The following APBA2 variants were observed in gnomAD, a reference collection of about 807,000 sequenced individuals.
APBA2 encodes amyloid-beta A4 precursor protein-binding family A member 2.
Under a neutral mutation model 75.0 loss-of-function variants are expected in APBA2, and 30 were observed. That is an observed-to-expected ratio of 0.40 (90% CI 0.30 to 0.54). The LOEUF (loss-of-function observed/expected upper bound fraction) is 0.54, where lower values mean the gene tolerates loss of function less well. Ranked by LOEUF, APBA2 falls within the 20% of genes least tolerant of loss-of-function variation. The probability of loss-of-function intolerance (pLI) is 0.49; values close to 1 mark genes in which losing one functional copy is unlikely to be tolerated. For synonymous variants in APBA2, 444 were observed against 409.6 expected (o/e 1.08, Z -1.01); for missense variants, 801 against 1,016.1 (o/e 0.79, Z 2.88).
At chr15:29,017,655 G>A (rs963332565) in intron 3 of APBA2, among the ~76,000 whole-genome samples, 1 of 152,026 alleles carries the variant, frequency 6.6e-6, no homozygotes, top group Non-Finnish European at 1.5e-5. Context: ...ACAGGCATGC[G>A]CCAATGTGCC....
intron 13 of APBA2, among the ~76,000 whole-genome samples, chr15:29,110,110 G>T (rs748277419): frequency 2.0e-5 from 3 of 152,252 alleles, no homozygotes; most frequent in Admixed American, 2.0e-4. Context: ...GCTGCTGTGC[G>T]CACTTTGTGG....
intron 3 of APBA2, among the ~76,000 whole-genome samples, chr15:29,039,336 C>T (rs961962934): frequency 6.6e-6 from 1 of 152,024 alleles, no homozygotes; most frequent in Non-Finnish European, 1.5e-5. Flanking sequence ...GTCAGGCCAG[C>T]CCTTAACAGC....
chr15:28,984,490 C>T (rs958191685), intron 2 of APBA2, among the ~76,000 whole-genome samples: 1 of 152,038 alleles, frequency 6.6e-6, no homozygotes, highest in Non-Finnish European at 1.5e-5. Context: ...GCTTCCAGCC[C>T]CCTGACTCAG....
At chr15:28,945,002 T>C (rs560586812) in intron 2 of APBA2, among the ~76,000 whole-genome samples, 70 of 152,274 alleles carry the variant, frequency 4.6e-4, no homozygotes, top group African/African-American at 1.6e-3. Context: ...GCTTCCTCCT[T>C]CATTTGAACT....
intron 2 of APBA2, among the ~76,000 whole-genome samples, chr15:28,934,141 T>C (rs2152692390): frequency 6.6e-6 from 1 of 152,302 alleles, no homozygotes; most frequent in Middle Eastern, 3.4e-3. Flanking sequence ...CAGCCAGCCC[T>C]CCACAGCCTT....
intron 1 of APBA2, among the ~76,000 whole-genome samples, chr15:28,904,278 C>T (rs945531450): frequency 2.6e-5 from 4 of 152,118 alleles, no homozygotes; most frequent in East Asian, 1.9e-4. Flanking sequence ...TTCTCCTGGA[C>T]GGTATATGAG....
chr15:28,907,705 A>G (rs2033202242), intron 1 of APBA2, among the ~76,000 whole-genome samples: 1 of 150,914 alleles, frequency 6.6e-6, no homozygotes, highest in Admixed American at 6.6e-5. Context: ...CATCATAGAT[A>G]TGACTCCGAA....
intron 1 of APBA2, among the ~76,000 whole-genome samples, chr15:28,896,154 C>T (rs1448687188): frequency 8.6e-5 from 13 of 151,968 alleles, no homozygotes; most frequent in Admixed American, 3.3e-4. Flanking sequence ...CTATTTGATG[C>T]GGGGGTTGGG....
chr15:28,886,752 C>G (rs1176125080), intron 1 of APBA2, among the ~76,000 whole-genome samples: 3 of 152,216 alleles, frequency 2.0e-5, no homozygotes, highest in Non-Finnish European at 2.9e-5. Flanking sequence ...ATCTTCGCCC[C>G]CTTCCCTTTC....
rs998355651 is a variant in APBA2, at chr15:29,027,966, T to C, written c.-40-25879T>C. On this transcript the variant is annotated intron_variant, in intron 3 of 14. Transcript: ENST00000683413. ...ACTTTTATTTCTTAGACTTATTTTA[T>C]ACATTAACACTCTTTTCGTTTTTTT... Among the ~76,000 whole-genome samples, 77 of 151,998 alleles carry C rather than the reference T, an allele frequency of 5.1e-4. 3 individuals carry two copies. Among genetic ancestry groups the C allele is most frequent in the Non-Finnish European group, 2.9e-5 (2 of 68,022 alleles).
At chr15:29,112,608 C>T (rs191178936) in intron 13 of APBA2, among the ~76,000 whole-genome samples, 1 of 152,130 alleles carries the variant, frequency 6.6e-6, no homozygotes, top group Non-Finnish European at 1.5e-5. Context: ...TGGAATCTGC[C>T]TCTCTCCACC....
chr15:28,908,312 CTTG>C (rs2033239953), intron 1 of APBA2, among the ~76,000 whole-genome samples: 1 of 142,526 alleles, frequency 7.0e-6, no homozygotes, highest in African/African-American at 3.0e-5. Flanking sequence ...GTTTTGTTTT[CTTG>C]TTTTTTTTTT....
At chr15:28,916,567 G>T (rs2033700326) in intron 1 of APBA2, among the ~76,000 whole-genome samples, 1 of 152,200 alleles carries the variant, frequency 6.6e-6, no homozygotes, top group African/African-American at 2.4e-5. Context: ...ACAAGCCTTT[G>T]AGGGGTTTCC....
chr15:28,992,323 G>A (rs2038277655), intron 2 of APBA2, among the ~76,000 whole-genome samples: 1 of 152,166 alleles, frequency 6.6e-6, no homozygotes, highest in Non-Finnish European at 1.5e-5. Flanking sequence ...AGGTAATCAG[G>A]AAATGTATGA....
At chr15:29,107,896 C>G (rs1029327102) in intron 12 of APBA2, among the ~76,000 whole-genome samples, 4 of 152,194 alleles carry the variant, frequency 2.6e-5, no homozygotes, top group Non-Finnish European at 4.4e-5. Flanking sequence ...GAAGCTGTCC[C>G]GAATTCGGCA....
At chr15:28,903,490 C>G (rs1334689998) in intron 1 of APBA2, among the ~76,000 whole-genome samples, 1 of 152,176 alleles carries the variant, frequency 6.6e-6, no homozygotes, top group Non-Finnish European at 1.5e-5. Context: ...ACTGAAATGG[C>G]CATTTCAGCT....
chr15:28,920,094 C>A lies in APBA2; in HGVS notation c.-204-1546C>A, dbSNP rs570624378. Among the ~76,000 whole-genome samples, 71 of 152,224 alleles carry A rather than the reference C, an allele frequency of 4.7e-4. 1 individual carries two copies. The highest frequency in any genetic ancestry group is 3.4e-3 in the Middle Eastern group (1 of 294). On this transcript the variant is annotated intron_variant, in intron 1 of 14. Transcript: ENST00000683413. The stretch of plus-strand genomic sequence containing the variant: ...GCAGTCTATAAACTGTGTGCCCTCT[C>A]GGGGCCAGGTAGGAGCCTGAGAGGG...
At chr15:29,099,048 C>T (rs951813479) in intron 9 of APBA2, among the ~76,000 whole-genome samples, 1 of 152,166 alleles carries the variant, frequency 6.6e-6, no homozygotes, top group Non-Finnish European at 1.5e-5. Context: ...TTGTGTCCTG[C>T]ACCCCCCTAC....
intron 3 of APBA2, among the ~76,000 whole-genome samples, chr15:29,038,503 G>A (rs1197309329): frequency 6.6e-6 from 1 of 152,024 alleles, no homozygotes; most frequent in Non-Finnish European, 1.5e-5. Context: ...GCTGCACTTT[G>A]CAACTCTGAC....
Sources: gnomAD v4.1 joint callset for allele counts (sites outside exome capture counted in the v4.1 genomes callset) on GRCh38, gnomAD v4.1.1 for gene constraint, MANE v1.5 for transcripts, NCBI Gene and HGNC (gene_info 2026-07-23, HGNC 2026-07-21) for gene names.